Variants in RAB11FIP3 observed in about 807,000 individuals in gnomAD.
RAB11FIP3 encodes the protein rab11 family-interacting protein 3.
RAB11FIP3 carries 17 observed loss-of-function variants against 77.8 expected under a neutral mutation model. The ratio of observed to expected loss-of-function variants is 0.22; its 90% confidence interval spans 0.15 to 0.33. The LOEUF is 0.33. Ranked by LOEUF, RAB11FIP3 falls within the 10% of genes least tolerant of loss-of-function variation. RAB11FIP3 has a pLI of 1.00. For missense variants in RAB11FIP3, 1,005 were observed against 1,011.2 expected (o/e 0.99, Z 0.08); for synonymous variants, 437 against 448.2 (o/e 0.98, Z 0.31).
intron 1 of RAB11FIP3, among the ~76,000 whole-genome samples, chr16:455,245 CAAG>C (rs1189202550): frequency 6.6e-6 from 1 of 151,390 alleles, no homozygotes; most frequent in Non-Finnish European, 1.5e-5. Context: ...TTTGGGAGGC[CAAG>C]GTGGGCGGAT....
intron 5 of RAB11FIP3, among the ~76,000 whole-genome samples, chr16:493,845 A>AC (rs991858836): frequency 1.5e-5 from 2 of 136,884 alleles, no homozygotes; most frequent in South Asian, 2.6e-4. Flanking sequence ...GCCCGCCTTG[A>AC]CCCCCCAAAG....
chr16:440,509 TCTCCTAC>T (rs1223981502), intron 1 of RAB11FIP3, among the ~76,000 whole-genome samples: 1 of 152,164 alleles, frequency 6.6e-6, no homozygotes, highest in Non-Finnish European at 1.5e-5. Flanking sequence ...TTCCCCCTTT[TCTCCTAC>T]CTGGTGGGCA....
chr16:476,416 T>A (rs2141702203), intron 3 of RAB11FIP3, among the ~76,000 whole-genome samples: 1 of 152,260 alleles, frequency 6.6e-6, no homozygotes, highest in East Asian at 1.9e-4. Flanking sequence ...AACAGGAACT[T>A]GGTGAAATAA....
intron 5 of RAB11FIP3, among the ~76,000 whole-genome samples, chr16:492,620 T>C (rs1031732759): frequency 1.3e-5 from 2 of 148,550 alleles, no homozygotes; most frequent in African/African-American, 2.6e-5. Context: ...CAGCTAGGGG[T>C]TCAAGGCCCG....
chr16:502,320 C>T (rs949767578), intron 6 of RAB11FIP3, among the ~76,000 whole-genome samples: 1 of 152,256 alleles, frequency 6.6e-6, no homozygotes, highest in Non-Finnish European at 1.5e-5. Context: ...TTTGCGTCTA[C>T]TCAGGACCAT....
At chr16:474,936 G>A in intron 3 of RAB11FIP3, 1 of 1,547,250 alleles carries the variant, frequency 6.5e-7, no homozygotes, top group Non-Finnish European at 8.7e-7. Flanking sequence ...AGAAACCCCA[G>A]CATGACAAGC....
chr16:515,424 AAAC>A (rs944854541), intron 9 of RAB11FIP3, among the ~76,000 whole-genome samples: 93 of 152,318 alleles, frequency 6.1e-4, no homozygotes, highest in African/African-American at 2.2e-3. Flanking sequence ...CTCCTAACGC[AAAC>A]AACACCCTGC....
In RAB11FIP3 at chr16:462,031, C is replaced by T. The variant is rs146282272; in HGVS notation, c.808+534C>T. 6.6e-4 allele frequency among the ~76,000 whole-genome samples: 101 copies of T among 152,324 alleles called. 2 individuals are homozygous for T. In the South Asian group the frequency reaches 6.6e-3, roughly 10 times the overall value. ...AGTCTTCCTTTGAGTAAAAATTTAC[C>T]TGCAGTGAAATGTACAGCTCACACC... On this transcript the variant is annotated intron_variant, in intron 2 of 13. Transcript: ENST00000262305.
intron 13 of RAB11FIP3, 25 bp downstream of exon 13, chr16:520,624 T>C (rs1407231487): frequency 9.9e-6 from 16 of 1,611,554 alleles, no homozygotes; most frequent in South Asian, 3.3e-5. Flanking sequence ...GTCTGCACGG[T>C]GTGGCCTGGG....
chr16:432,692 C>T lies in RAB11FIP3; in HGVS notation c.714+5972C>T, dbSNP rs187945483. Among the ~76,000 whole-genome samples the T allele has an allele frequency of 2.6e-3, 392 of 150,392 alleles. 2 individuals carry two copies. Among genetic ancestry groups the T allele is most frequent in the Non-Finnish European group, 1.3e-3 (88 of 67,656 alleles). ...TCGGCTCAGTGCAGTCTCTGCCTCCCGGGTTCAAGCAATTCTCCTGCCTCA... is the reference window on the plus strand; with the variant it reads ...TCGGCTCAGTGCAGTCTCTGCCTCCTGGGTTCAAGCAATTCTCCTGCCTCA... On this transcript the variant is annotated intron_variant, in intron 1 of 13. Coordinates refer to ENST00000262305, the MANE Select transcript of RAB11FIP3 (RefSeq NM_014700.4).
chr16:478,035 A>C (rs1429522052), intron 3 of RAB11FIP3, among the ~76,000 whole-genome samples: 2 of 152,086 alleles, frequency 1.3e-5, no homozygotes, highest in African/African-American at 2.4e-5. Flanking sequence ...CACGGCTTTT[A>C]ATAAAGGGGC....
At chr16:509,792 G>A (rs1016118112) in intron 8 of RAB11FIP3, among the ~76,000 whole-genome samples, 4 of 152,190 alleles carry the variant, frequency 2.6e-5, no homozygotes, top group African/African-American at 9.7e-5. Context: ...CTGGGGCCCG[G>A]ATGTGCCCAG....
chr16:503,851 G>A (rs1282524758), intron 7 of RAB11FIP3, among the ~76,000 whole-genome samples: 2 of 151,782 alleles, frequency 1.3e-5, no homozygotes, highest in Non-Finnish European at 2.9e-5. Context: ...CTGCACTCCA[G>A]CCTGGGCGAC....
intron 1 of RAB11FIP3, among the ~76,000 whole-genome samples, chr16:452,108 GCCACTGTACTC>G (rs1392838908): frequency 1.3e-5 from 2 of 151,748 alleles, no homozygotes; most frequent in Non-Finnish European, 1.5e-5. Context: ...TTGAGATCGC[GCCACTGTACTC>G]CAGCCTGGGC....
chr16:468,262 G>C (rs1484641772), intron 2 of RAB11FIP3, among the ~76,000 whole-genome samples: 482 of 101,048 alleles, frequency 4.8e-3, no homozygotes, highest in Non-Finnish European at 5.3e-3. Flanking sequence ...GGGAGGAGGT[G>C]CAGGGAAGTC....
At chr16:492,366 C>A (rs938444691) in intron 5 of RAB11FIP3, among the ~76,000 whole-genome samples, 1 of 134,150 alleles carries the variant, frequency 7.5e-6, no homozygotes, top group Non-Finnish European at 1.6e-5. Context: ...AGGGTCTTCC[C>A]GGGAGACCCG....
chr16:481,179 G>T (rs1312884421), intron 3 of RAB11FIP3, among the ~76,000 whole-genome samples: 3 of 151,974 alleles, frequency 2.0e-5, no homozygotes, highest in Non-Finnish European at 4.4e-5. Context: ...GCACAGTGGT[G>T]TGATCACATC....
chr16:492,633 G>A (rs561270876), intron 5 of RAB11FIP3, among the ~76,000 whole-genome samples: 19 of 151,776 alleles, frequency 1.3e-4, no homozygotes, highest in South Asian at 2.1e-4. Context: ...AAGGCCCGGC[G>A]ACGATGGCTC....
At chr16:498,754 C>CAACAT (rs903852324) in intron 6 of RAB11FIP3, among the ~76,000 whole-genome samples, 1 of 152,116 alleles carries the variant, frequency 6.6e-6, no homozygotes, top group Non-Finnish European at 1.5e-5. Flanking sequence ...GTCCTCCCAC[C>CAACAT]TCGGTCTCCC....
Sources: gnomAD v4.1 joint callset for allele counts (sites outside exome capture counted in the v4.1 genomes callset) on GRCh38, gnomAD v4.1.1 for gene constraint, MANE v1.5 for transcripts, NCBI Gene and HGNC (gene_info 2026-07-23, HGNC 2026-07-21) for gene names.